LAMA4: variants seen among roughly 807,000 people sequenced by gnomAD.
LAMA4 encodes laminin subunit alpha-4.
In LAMA4, 127 loss-of-function variants were observed where a neutral mutation model predicts 207.1. The observed-to-expected ratio is 0.61, with a 90% CI of 0.53 to 0.71. LAMA4 has a LOEUF of 0.71. LAMA4 is among the 30% of genes least tolerant of loss of function. The pLI is 0.00. For missense variants in LAMA4, 2,093 were observed against 2,246.5 expected (o/e 0.93, Z 1.38); for synonymous variants, 761 against 816.0 (o/e 0.93, Z 1.15).
chr6:112,185,090 T>A, intron 9 of LAMA4, 147 bp downstream of exon 9: 1 of 707,292 alleles, frequency 1.4e-6, no homozygotes, highest in Non-Finnish European at 2.6e-6. Flanking sequence ...TCTCCACAGG[T>A]CTGGTCTTGA....
Position 112,253,998 on chromosome 6 carries a change from G to C in LAMA4, c.153C>G (p.Ser51Arg). The C allele has an allele frequency of 3.8e-6, 6 of 1,586,194 alleles. No homozygotes were observed. Among genetic ancestry groups the C allele is most frequent in the Non-Finnish European group, 5.1e-6 (6 of 1,165,704 alleles). Reference protein sequence around the residue: ...AVGRQDPPETSEPRVALGRLP... With the variant: ...AVGRQDPPETREPRVALGRLP... ...GGCGTCCCAGAGCCACGCGGGGTTCGCTCGTCTCAGGCGGGTCTTGCCTGC... is the reference window on the plus strand; with the variant it reads ...GGCGTCCCAGAGCCACGCGGGGTTCCCTCGTCTCAGGCGGGTCTTGCCTGC... The change falls in exon 2 of 39, where the codon AGC becomes AGG. Residue 51 changes from serine (S) to arginine (R), a missense_variant. By Grantham distance (110) the Ser-to-Arg change is moderately radical (BLOSUM62 -1). This residue lies in a region of LAMA4 where 1,704 missense variants were observed against 1,788.4 expected (regional missense o/e 0.95). Transcript: ENST00000230538.
chr6:112,128,934 A>C lies in LAMA4; in HGVS notation c.4275T>G (p.Ser1425Arg). 1 of 1,613,008 alleles carries C rather than the reference A, an allele frequency of 6.2e-7. No individual in the cohort carries two copies. Among genetic ancestry groups the C allele is most frequent in the Non-Finnish European group, 8.5e-7 (1 of 1,179,204 alleles). Reference protein sequence around the residue: ...KGKNLSKPKASQNKKGGKSKD... With the variant: ...KGKNLSKPKARQNKKGGKSKD... ...CATTATCTTTTACCTTTTTATTCTG[A>C]CTTGCTTTAGGCTTGGATAAATTTT... Residue 1425 changes from serine (S) to arginine (R), a missense_variant, in exon 31 of 39, where the codon AGT (serine) becomes AGG (arginine). Physicochemically the swap from Ser to Arg is moderately radical, Grantham distance 110. Around this residue, in one of 3 missense-constraint regions of LAMA4, gnomAD observed 1,704 missense variants for 1,788.4 expected, o/e 0.95. Transcript: ENST00000230538.
intron 6 of LAMA4, among the ~76,000 whole-genome samples, chr6:112,190,931 C>A (rs1208155257): frequency 1.3e-5 from 1 of 79,346 alleles, no homozygotes; most frequent in Non-Finnish European, 2.4e-5. Context: ...TTCTTTCTTT[C>A]TTTCTTTCTT....
At chr6:112,251,620 T>TA (rs1787460114) in intron 2 of LAMA4, 1 of 152,232 alleles carries the variant, frequency 6.6e-6, no homozygotes, top group Non-Finnish European at 1.5e-5. Flanking sequence ...GCCAACCCAG[T>TA]AAAGTGTTTG....
At chr6:112,203,326 T>C (rs1369307180) in intron 4 of LAMA4, among the ~76,000 whole-genome samples, 1 of 152,208 alleles carries the variant, frequency 6.6e-6, no homozygotes, top group African/African-American at 2.4e-5. Flanking sequence ...ATTATTTCCT[T>C]GCTTTCTTGT....
intron 3 of LAMA4, among the ~76,000 whole-genome samples, chr6:112,214,312 A>C (rs375350145): frequency 3.9e-5 from 6 of 152,094 alleles, no homozygotes; most frequent in Non-Finnish European, 5.9e-5. Flanking sequence ...TTGAACTCCT[A>C]AACTCAAGTG....
intron 2 of LAMA4, among the ~76,000 whole-genome samples, chr6:112,241,421 A>G (rs1245702296): frequency 1.3e-5 from 2 of 151,966 alleles, no homozygotes; most frequent in Non-Finnish European, 2.9e-5. Context: ...CTACTGCAGT[A>G]GTACGGGAAA....
intron 2 of LAMA4, among the ~76,000 whole-genome samples, chr6:112,230,413 C>G (rs1785475844): frequency 6.6e-6 from 1 of 152,206 alleles, no homozygotes; most frequent in Non-Finnish European, 1.5e-5. Context: ...AGTTCCAGCT[C>G]TACCTGGGTG....
intron 17 of LAMA4, among the ~76,000 whole-genome samples, chr6:112,148,982 G>A (rs1554335179): frequency 6.8e-6 from 1 of 146,776 alleles, no homozygotes; most frequent in African/African-American, 2.5e-5. Flanking sequence ...GCCCTAATTT[G>A]GTTATTGGAT....
intron 12 of LAMA4, chr6:112,172,081 G>A (rs2114863949): frequency 5.9e-6 from 1 of 169,292 alleles, no homozygotes; most frequent in East Asian, 1.7e-4. Context: ...TGTAGGTGTG[G>A]GCATGCACGA....
intron 2 of LAMA4, chr6:112,234,321 G>A (rs1262922205): frequency 6.6e-6 from 1 of 151,942 alleles, no homozygotes; most frequent in African/African-American, 2.4e-5. Flanking sequence ...TGGTGCACCT[G>A]GTTTTTCAAT....
chr6:112,176,814 TA>T (rs1782052129), intron 10 of LAMA4, among the ~76,000 whole-genome samples: 4 of 152,238 alleles, frequency 2.6e-5, no homozygotes, highest in Non-Finnish European at 4.4e-5. Flanking sequence ...ATTCACACAT[TA>T]TTTTAAAAAT....
intron 2 of LAMA4, chr6:112,253,676 C>A: frequency 6.7e-7 from 1 of 1,482,042 alleles, no homozygotes; most frequent in South Asian, 1.1e-5. Flanking sequence ...CTGCTGCAGT[C>A]CCCGGTGAGA....
intron 26 of LAMA4, among the ~76,000 whole-genome samples, 174 bp downstream of exon 26, chr6:112,134,293 G>A (rs560971090): frequency 6.6e-6 from 1 of 152,180 alleles, no homozygotes; most frequent in Non-Finnish European, 1.5e-5. Flanking sequence ...AATTTCAGGA[G>A]GTCCTGAGGA....
chr6:112,157,102 T>C (rs1313598145), intron 14 of LAMA4, among the ~76,000 whole-genome samples: 1 of 152,194 alleles, frequency 6.6e-6, no homozygotes, highest in African/African-American at 2.4e-5. Flanking sequence ...GAGGGGAGTC[T>C]AATCTAAATA....
chr6:112,142,791 G>T (rs1779782108), intron 19 of LAMA4, among the ~76,000 whole-genome samples: 2 of 152,200 alleles, frequency 1.3e-5, no homozygotes, highest in Non-Finnish European at 2.9e-5. Context: ...GACTAGCTTT[G>T]TAGTCTCAGA....
Position 112,191,710 on chromosome 6 carries a change from T to C in LAMA4, c.644A>G (p.Asn215Ser), listed in dbSNP as rs1340244712. The C allele has an allele frequency of 6.2e-7, 1 of 1,614,010 alleles. No individual in the cohort carries two copies. The highest frequency in any genetic ancestry group is 1.7e-5 in the Admixed American group (1 of 60,002). The change falls in exon 6 of 39, where the codon AAC becomes AGC. Residue 215 changes from asparagine to serine, a missense_variant. This residue lies in a region of LAMA4 where 1,704 missense variants were observed against 1,788.4 expected (regional missense o/e 0.95). Coordinates refer to ENST00000230538, the MANE Select transcript of LAMA4 (RefSeq NM_001105206.3). ...ACGTTCACACTTGAATCCGGTGGTGTTGCGTAAGCAATTCCTACACTGGCC... is the reference window on the plus strand; with the variant it reads ...ACGTTCACACTTGAATCCGGTGGTGCTGCGTAAGCAATTCCTACACTGGCC... Reference protein sequence around the residue: ...VTGQCRNCLRNTTGFKCERCA... With the variant: ...VTGQCRNCLRSTTGFKCERCA...
At chr6:112,204,246 C>T (rs1334337816) in intron 4 of LAMA4, among the ~76,000 whole-genome samples, 4 of 152,170 alleles carry the variant, frequency 2.6e-5, no homozygotes, top group Admixed American at 2.0e-4. Flanking sequence ...TAAGTACTGA[C>T]TACCAGTTTT....
chr6:112,245,442 T>C (rs879956598), intron 2 of LAMA4, among the ~76,000 whole-genome samples: 4 of 152,218 alleles, frequency 2.6e-5, no homozygotes, highest in Non-Finnish European at 5.9e-5. Context: ...CATGCCATGT[T>C]GCATTTCACT....
Sources: gnomAD v4.1 joint callset for allele counts (sites outside exome capture counted in the v4.1 genomes callset) on GRCh38, gnomAD v4.1.1 for gene constraint, gnomAD v4.1.1 regional missense constraint, MANE v1.5 for transcripts, NCBI Gene and HGNC (gene_info 2026-07-23, HGNC 2026-07-21) for gene names.